Variants in SCN10A observed in about 807,000 individuals in gnomAD.
The protein encoded by SCN10A is sodium channel protein type 10 subunit alpha.
A neutral mutation model predicts 170.7 loss-of-function variants in SCN10A; 162 were observed. The ratio of observed to expected loss-of-function variants is 0.95; its 90% CI spans 0.84 to 1.08. The LOEUF is 1.08. SCN10A is among the 50% of genes least tolerant of loss of function. The probability of loss-of-function intolerance (pLI) is 0.00; values close to 1 mark genes in which losing one functional copy is unlikely to be tolerated. For synonymous variants in SCN10A, 985 were observed against 904.6 expected, an observed-to-expected ratio of 1.09 and a Z score of -1.59; for missense variants, 2,527 against 2,436.9, an observed-to-expected ratio of 1.04 and a Z score of -0.78.
Position 38,778,220 on chromosome 3 carries a change from A to T in SCN10A, c.471-6813T>A, listed in dbSNP as rs540401578. On this transcript the variant is annotated intron_variant, in intron 4 of 27. Transcript: ENST00000449082. ...TTCTTTGCCAGGTGAGAAAACATTT[A>T]TCTTCTCTACAACCAAATTGCTATA... 2.0e-5 allele frequency among the ~76,000 whole-genome samples: 3 copies of T among 152,094 alleles called. No individual in the cohort carries two copies. In the South Asian group the frequency reaches 6.2e-4, roughly 32 times the overall value.
At position 38,707,357 on chromosome 3, in the gene SCN10A, T is replaced by C. The variant is rs1355677649; in HGVS notation, c.4308A>G (p.Thr1436=). ...KKLGGQDIFM[T]EEQKKYYNAM... is the part of the protein sequence containing the mutation. ...CATTGTAGTATTTCTTCTGCTCCTC[T>C]GTCATGAAGATGTCCTGGCCCCCTA... The change falls in exon 26 of 28, where the codon ACA becomes ACG. Residue 1436 remains threonine (T), a synonymous_variant. Coordinates refer to ENST00000449082, the MANE Select transcript of SCN10A (RefSeq NM_006514.4). 10 of 1,614,168 alleles carry C rather than the reference T, an allele frequency of 6.2e-6. No homozygotes were observed. The highest frequency in any genetic ancestry group is 1.1e-5 in the South Asian group (1 of 91,080).
At chr3:38,797,778 G>A (rs1291311453) in intron 1 of SCN10A, among the ~76,000 whole-genome samples, 3 of 152,208 alleles carry the variant, frequency 2.0e-5, no homozygotes, top group Non-Finnish European at 4.4e-5. Context: ...GTTGAGGATT[G>A]AGAACAGGAC....
intron 1 of SCN10A, among the ~76,000 whole-genome samples, chr3:38,798,727 C>G (rs547845654): frequency 6.7e-6 from 1 of 149,640 alleles, no homozygotes; most frequent in Admixed American, 6.7e-5. Context: ...CCTTTCTATT[C>G]GGTGGGCATT....
At chr3:38,786,262 A>G (rs2064200687) in intron 4 of SCN10A, among the ~76,000 whole-genome samples, 1 of 152,232 alleles carries the variant, frequency 6.6e-6, no homozygotes, top group Non-Finnish European at 1.5e-5. Flanking sequence ...GATAAAGAAA[A>G]TATGGCACAT....
rs114121783 is a variant in SCN10A at position 38,717,583 on chromosome 3, G to A, written c.3681+1070C>T. ...GAAGCTGCTAGTGCATTGGCATCAG[G>A]GAAGAAGAGAATTGAATGCACAGGC... On this transcript the variant is annotated intron_variant, in intron 21 of 27. Coordinates refer to ENST00000449082, the MANE Select transcript of SCN10A (RefSeq NM_006514.4). 4.9e-3 allele frequency among the ~76,000 whole-genome samples: 753 copies of A among 152,344 alleles called. 10 individuals are homozygous for A. The highest frequency in any genetic ancestry group is 0.017 in the African/African-American group (711 of 41,576).
Position 38,807,391 on chromosome 3 carries a change from AAT to A in SCN10A, c.-33+8644_-33+8645del, listed in dbSNP as rs372068005. On this transcript the variant is annotated intron_variant, in intron 1 of 27. Transcript: ENST00000449082. Reference sequence around the variant, plus strand: ...ATGTTTTTGCACTTCAAAGCACTGTAATATGTCTCTCCCAGTTTTCTTTACCA... The same window carrying A: ...ATGTTTTTGCACTTCAAAGCACTGTAATGTCTCTCCCAGTTTTCTTTACCA... Among the ~76,000 whole-genome samples the A allele has an allele frequency of 3.9e-3, 599 of 152,316 alleles. 6 individuals carry two copies. Among genetic ancestry groups the A allele is most frequent in the African/African-American group, 0.014 (572 of 41,578 alleles).
At chr3:38,727,461 T>A (rs183539858) in intron 16 of SCN10A, among the ~76,000 whole-genome samples, 126 of 152,230 alleles carry the variant, frequency 8.3e-4, no homozygotes, top group Non-Finnish European at 1.6e-3. Context: ...TGAAGAGCGG[T>A]TGTGAAGACA....
intron 12 of SCN10A, 51 bp from the exon 13 acceptor site, chr3:38,750,235 T>TG (rs1366719315): frequency 9.6e-7 from 1 of 1,042,632 alleles, no homozygotes; most frequent in South Asian, 1.4e-5. Context: ...GACATCTTCA[T>TG]GGCAAAGTTG....
intron 2 of SCN10A, among the ~76,000 whole-genome samples, chr3:38,793,347 C>T (rs1405508453): frequency 2.6e-5 from 4 of 152,046 alleles, no homozygotes; most frequent in Non-Finnish European, 4.4e-5. Flanking sequence ...TAGTTGAGGA[C>T]CACTGGCTTA....
intron 1 of SCN10A, among the ~76,000 whole-genome samples, chr3:38,796,971 T>G (rs560919247): frequency 6.6e-6 from 1 of 152,050 alleles, no homozygotes; most frequent in Admixed American, 6.6e-5. Context: ...GTTGCATGAA[T>G]AGAGATAATG....
At chr3:38,742,036 C>G (rs1476143149) in intron 14 of SCN10A, among the ~76,000 whole-genome samples, 1 of 152,310 alleles carries the variant, frequency 6.6e-6, no homozygotes, top group East Asian at 1.9e-4. Context: ...GCCTCTGGCT[C>G]CAGGCTCTCC....
rs2063480381 is a variant in SCN10A at position 38,728,543 on chromosome 3, A to G, written c.2639T>C (p.Val880Ala). 1.3e-6 allele frequency: 2 copies of G among 1,577,558 alleles called. No homozygotes were observed. The highest frequency in any genetic ancestry group is 8.6e-7 in the Non-Finnish European group (1 of 1,158,306). ...FLTVMVLGNL[V>A]VLNLFIALLL... is the part of the protein sequence containing the mutation. ...CCCCCAGCAGGGTTCACCACTCACC[A>G]CCAGGTTCCCTAGCACCATCACCGT... is the stretch of plus-strand genomic sequence containing the variant. The change falls in exon 16 of 28, where the codon GTG (valine) becomes GCG (alanine). Residue 880 changes from valine (V) to alanine (A), a missense_variant and splice_region_variant. By Grantham distance (64) the Val-to-Ala change is moderately conservative (BLOSUM62 0). Coordinates refer to ENST00000449082, the MANE Select transcript of SCN10A (RefSeq NM_006514.4).
intron 1 of SCN10A, among the ~76,000 whole-genome samples, chr3:38,796,695 C>T (rs1166292728): frequency 6.6e-6 from 1 of 152,070 alleles, no homozygotes; most frequent in Non-Finnish European, 1.5e-5. Flanking sequence ...CTGGCTAATC[C>T]TCTCTTATTC....
rs747321219 is a variant in SCN10A at position 38,697,525 on chromosome 3, CT to C, written c.5694del (p.Ala1899GlnfsTer36). 1.4e-4 allele frequency: 230 copies of C among 1,614,064 alleles called. No individual in the cohort carries two copies. In the Middle Eastern group the frequency reaches 6.9e-3, roughly 48 times the overall value. On this transcript the variant is annotated frameshift_variant, in exon 28 of 28. Transcript: ENST00000449082. LOFTEE classifies it high-confidence loss of function. Reference sequence around the variant, plus strand: ...TCTGGGAGTACACAATTTTCATTTGCTGTGAATGCAACAAAACCTTCATCTG... The same window carrying C: ...TCTGGGAGTACACAATTTTCATTTGCGTGAATGCAACAAAACCTTCATCTG... ...SLPDEGFVAF[T>X]ANENCVLPDK...
At chr3:38,803,905 C>A (rs2064390172) in intron 1 of SCN10A, among the ~76,000 whole-genome samples, 1 of 152,162 alleles carries the variant, frequency 6.6e-6, no homozygotes, top group Admixed American at 6.5e-5. Context: ...ATTCTCATCA[C>A]AGCCACTGCT....
intron 15 of SCN10A, among the ~76,000 whole-genome samples, chr3:38,735,148 T>C (rs368250071): frequency 0.016 from 2,029 of 128,862 alleles, 63 homozygotes; most frequent in East Asian, 0.096. Context: ...CTAGCCTGGG[T>C]GACAGAGCGA....
chr3:38,763,708 A>G (rs2063901689), intron 5 of SCN10A, 112 bp from the exon 6 acceptor site: 1 of 751,726 alleles, frequency 1.3e-6, no homozygotes, highest in Non-Finnish European at 2.3e-6. Flanking sequence ...TGCAGAATGG[A>G]CACTTAGAAT....
At chr3:38,718,901 A>G in intron 20 of SCN10A, 75 bp from the exon 21 acceptor site, 1 of 1,422,334 alleles carries the variant, frequency 7.0e-7, no homozygotes, top group Non-Finnish European at 9.6e-7. Context: ...ATAGGGAAGG[A>G]CCCAGCCAGC....
chr3:38,736,158 A>G (rs1250515615), intron 15 of SCN10A, among the ~76,000 whole-genome samples: 1 of 152,240 alleles, frequency 6.6e-6, no homozygotes, highest in Non-Finnish European at 1.5e-5. Context: ...GTTCTCTGTT[A>G]TGTGTGAAGA....
Sources: gnomAD v4.1 joint callset for allele counts (sites outside exome capture counted in the v4.1 genomes callset) on GRCh38, gnomAD v4.1.1 for gene constraint, MANE v1.5 for transcripts, NCBI Gene and HGNC (gene_info 2026-07-23, HGNC 2026-07-21) for gene names.